NELL2: variants seen among roughly 807,000 people sequenced by gnomAD.
The protein encoded by NELL2 is neural EGFL like 2.
NELL2 carries 41 observed loss-of-function variants against 109.6 expected under a neutral mutation model. That is an observed-to-expected ratio of 0.37 (90% CI 0.29 to 0.49). NELL2 has a LOEUF of 0.49. NELL2 is among the 20% of genes least tolerant of loss of function. The pLI is 0.98. For synonymous variants in NELL2, 355 were observed against 344.7 expected (o/e 1.03, Z -0.33); for missense variants, 900 against 1,008.3 (o/e 0.89, Z 1.45).
intron 1 of NELL2, among the ~76,000 whole-genome samples, chr12:44,908,608 T>C (rs979923965): frequency 6.6e-6 from 1 of 151,860 alleles, no homozygotes; most frequent in Non-Finnish European, 1.5e-5. Flanking sequence ...ACATGGACAT[T>C]AAAATATTTA....
intron 12 of NELL2, among the ~76,000 whole-genome samples, chr12:44,699,941 C>T (rs1487930583): frequency 1.3e-5 from 2 of 152,270 alleles, no homozygotes; most frequent in Non-Finnish European, 2.9e-5. Flanking sequence ...GTCTCCTCAA[C>T]TAACATTTAG....
chr12:44,732,523 C>T (rs1396084079), intron 9 of NELL2, among the ~76,000 whole-genome samples: 2 of 151,904 alleles, frequency 1.3e-5, no homozygotes, highest in African/African-American at 4.8e-5. Flanking sequence ...GAAATTAGAC[C>T]TCTATCTTAC....
At chr12:44,894,416 TA>T (rs1365403815) in intron 1 of NELL2, among the ~76,000 whole-genome samples, 40 of 152,342 alleles carry the variant, frequency 2.6e-4, no homozygotes, top group African/African-American at 9.4e-4. Flanking sequence ...ATATTTGTTT[TA>T]AATTTTTATC....
At chr12:44,918,759 G>A (rs915971485), upstream of NELL2, among the ~76,000 whole-genome samples, 1 of 152,100 alleles carries the variant, frequency 6.6e-6, no homozygotes, top group African/African-American at 2.4e-5. Flanking sequence ...TCTGAAACGA[G>A]CCTTTCTATT....
At chr12:44,826,765 C>A (rs1467701485) in intron 2 of NELL2, among the ~76,000 whole-genome samples, 1 of 152,188 alleles carries the variant, frequency 6.6e-6, no homozygotes. Flanking sequence ...GATGAACCCA[C>A]CAAATTCAAG....
chr12:44,907,159 C>A (rs1224543368), intron 1 of NELL2, among the ~76,000 whole-genome samples: 1 of 152,030 alleles, frequency 6.6e-6, no homozygotes, highest in African/African-American at 2.4e-5. Flanking sequence ...TAAGGCCTCC[C>A]CAGCCCTGCA....
At chr12:44,728,130 A>G (rs1218492927) in intron 9 of NELL2, among the ~76,000 whole-genome samples, 2 of 152,106 alleles carry the variant, frequency 1.3e-5, no homozygotes, top group Non-Finnish European at 2.9e-5. Flanking sequence ...ACACTGACCT[A>G]AAGAAACAGA....
chr12:44,673,144 C>T (rs564607634), intron 12 of NELL2, among the ~76,000 whole-genome samples: 9 of 152,212 alleles, frequency 5.9e-5, no homozygotes, highest in East Asian at 3.9e-4. Context: ...TGATTTCTCA[C>T]GCCCTGTCTG....
chr12:44,864,215 T>G (rs1944922886), intron 2 of NELL2, among the ~76,000 whole-genome samples: 1 of 152,148 alleles, frequency 6.6e-6, no homozygotes, highest in African/African-American at 2.4e-5. Flanking sequence ...TTCTTACCTA[T>G]CAATAGTTAC....
intron 12 of NELL2, among the ~76,000 whole-genome samples, chr12:44,692,146 T>C (rs941698296): frequency 1.3e-5 from 2 of 152,306 alleles, no homozygotes; most frequent in South Asian, 2.1e-4. Flanking sequence ...GTTGACTCTC[T>C]TGTTAGGGGC....
At chr12:44,692,292 G>A (rs376942402) in intron 12 of NELL2, among the ~76,000 whole-genome samples, 1 of 152,052 alleles carries the variant, frequency 6.6e-6, no homozygotes, top group East Asian at 1.9e-4. Flanking sequence ...GATGACAGCC[G>A]CACATCTGTT....
chr12:44,808,398 G>A (rs955318249), intron 3 of NELL2, among the ~76,000 whole-genome samples: 1 of 151,848 alleles, frequency 6.6e-6, no homozygotes, highest in Admixed American at 6.6e-5. Context: ...TGTATGCTTG[G>A]CTACATTAGA....
chr12:44,535,260 C>CAAA (rs1565887161), intron 15 of NELL2, among the ~76,000 whole-genome samples: 1 of 151,738 alleles, frequency 6.6e-6, no homozygotes, highest in Admixed American at 6.6e-5. Flanking sequence ...GGGTTACCTT[C>CAAA]CAATAAACCT....
chr12:44,550,327 G>A lies in NELL2; in HGVS notation c.1664-17606C>T, dbSNP rs564964833. 4.6e-4 allele frequency among the ~76,000 whole-genome samples: 69 copies of A among 151,334 alleles called. 1 individual carries two copies. Among genetic ancestry groups the A allele is most frequent in the African/African-American group, 1.6e-3 (65 of 41,366 alleles). On this transcript the variant is annotated intron_variant, in intron 15 of 19. Transcript: ENST00000429094. ...CCAAATAACTTGAAATCAGGATCTT[G>A]AAGAGATATCTGAACTCTCACCTTC...
At chr12:44,698,826 A>G (rs1949136733) in intron 12 of NELL2, among the ~76,000 whole-genome samples, 3 of 152,198 alleles carry the variant, frequency 2.0e-5, no homozygotes, top group Admixed American at 2.0e-4. Flanking sequence ...TGTTCTTGGT[A>G]TAATGTCAAA....
At chr12:44,766,188 C>T (rs1486172313) in intron 9 of NELL2, among the ~76,000 whole-genome samples, 1 of 152,090 alleles carries the variant, frequency 6.6e-6, no homozygotes, top group Non-Finnish European at 1.5e-5. Flanking sequence ...TCATACTAAG[C>T]TCCTATATCA....
At chr12:44,875,469 T>A in intron 1 of NELL2, 116 bp from the exon 2 acceptor site, 3 of 1,613,924 alleles carry the variant, frequency 1.9e-6, no homozygotes, top group Non-Finnish European at 2.5e-6. Context: ...GAACTGAAGA[T>A]GAGAGGCGAC....
chr12:44,708,430 C>T (rs1938008753), intron 11 of NELL2, among the ~76,000 whole-genome samples: 1 of 152,186 alleles, frequency 6.6e-6, no homozygotes, highest in Admixed American at 6.6e-5. Context: ...TATTTACTAA[C>T]TGTTGTCCAA....
At chr12:44,681,297 A>C (rs1948491612) in intron 12 of NELL2, among the ~76,000 whole-genome samples, 1 of 150,278 alleles carries the variant, frequency 6.7e-6, no homozygotes, top group Non-Finnish European at 1.5e-5. Flanking sequence ...TTTAACGTTG[A>C]AACACTGTAT....
Sources: gnomAD v4.1 joint callset for allele counts (sites outside exome capture counted in the v4.1 genomes callset) on GRCh38, gnomAD v4.1.1 for gene constraint, MANE v1.5 for transcripts, NCBI Gene and HGNC (gene_info 2026-07-23, HGNC 2026-07-21) for gene names.